TENT5B: variants seen among roughly 807,000 people sequenced by gnomAD.
TENT5B encodes the protein terminal nucleotidyltransferase 5B.
In TENT5B, 12 loss-of-function variants were observed where a neutral mutation model predicts 21.7. That is an observed-to-expected ratio of 0.55 (90% CI 0.36 to 0.90). TENT5B has a LOEUF of 0.90. TENT5B is among the 40% of genes least tolerant of loss of function. The pLI, the probability that TENT5B is intolerant of heterozygous loss-of-function variation, is 0.01. For missense variants in TENT5B, 540 were observed against 601.5 expected (o/e 0.90, Z 1.07); for synonymous variants, 262 against 266.6 (o/e 0.98, Z 0.17).
At position 27,006,873 on chromosome 1, in the gene TENT5B, G is replaced by T. The variant is rs1238089727; in HGVS notation, c.349C>A (p.Pro117Thr). The T allele has an allele frequency of 1.9e-6, 3 of 1,613,750 alleles. No homozygotes were observed. Among genetic ancestry groups the T allele is most frequent in the South Asian group, 2.2e-5 (2 of 91,080 alleles). Residue 117 changes from proline to threonine, a missense_variant, in exon 2 of 2, where the codon CCT becomes ACT. Physicochemically the swap from Pro to Thr is conservative, Grantham distance 38. Coordinates refer to ENST00000289166, the MANE Select transcript of TENT5B (RefSeq NM_052943.4). This position sits in a 1 kb window ranked among gnomAD's most constrained non-coding sequence, Gnocchi z 9.4. ...TCCTTGTAGCCCAGGCCACTCTCAG[G>T]GTGCAGCACGTGGCTGGCAGCTGAA... ...HGSAASHVLHPESGLGYKDLD... is the reference protein window; with the variant it reads ...HGSAASHVLHTESGLGYKDLD...
At position 27,005,735 on chromosome 1, in the gene TENT5B, A is replaced by C; in HGVS notation, c.*209T>G. ...TCCAAAAGTGTGATGCAATAACCAA[A>C]GGGTCCTCCTGCTGAGAGCCCCAGG... On this transcript the variant is annotated 3_prime_UTR_variant, in exon 2 of 2. Transcript: ENST00000289166. 4 of 571,168 alleles carry C rather than the reference A, an allele frequency of 7.0e-6. No individual in the cohort carries two copies. Among genetic ancestry groups the C allele is most frequent in the Non-Finnish European group, 8.6e-6 (3 of 349,866 alleles). The allele number at this position is 571,168 out of a possible 1,614,324, so 35.4% of individuals were successfully genotyped here.
At position 27,006,946 on chromosome 1, in the gene TENT5B, G is replaced by A. The variant is rs148889927; in HGVS notation, c.276C>T (p.Ser92=). Reference sequence around the variant, plus strand: ...CATGTAGTCCCTGCTCCTCCAGGGTGCTGCGGACCACCTGCAGGGGAGAGC... The same window carrying A: ...CATGTAGTCCCTGCTCCTCCAGGGTACTGCGGACCACCTGCAGGGGAGAGC... ...QPRQIVQVVR[S]TLEEQGLHVH... The change falls in exon 2 of 2, where the codon AGC becomes AGT. Residue 92 remains serine (S), a synonymous_variant. Coordinates refer to ENST00000289166, the MANE Select transcript of TENT5B (RefSeq NM_052943.4). This position sits in a 1 kb window ranked among gnomAD's most constrained non-coding sequence, Gnocchi z 9.4. 2.8e-4 allele frequency: 439 copies of A among 1,585,304 alleles called. 2 individuals are homozygous for A. In the African/African-American group the frequency reaches 5.2e-3, roughly 19 times the overall value.
At chr1:27,008,477 CA>C (rs1299581521) in intron 1 of TENT5B, among the ~76,000 whole-genome samples, 1 of 152,164 alleles carries the variant, frequency 6.6e-6, no homozygotes, top group African/African-American at 2.4e-5. Flanking sequence ...GGAGGGTAAG[CA>C]ACTGGCCACA....
rs780902413 is a variant in TENT5B, at chr1:27,006,633, C to A, written c.589G>T (p.Gly197Cys). ...ACAAACTTGAGCTCCACGTTCTTGCCGCTCTTGTTGGACAGTGAGATGAGG... is the reference window on the plus strand; with the variant it reads ...ACAAACTTGAGCTCCACGTTCTTGCAGCTCTTGTTGGACAGTGAGATGAGG... ...WSLISLSNKS[G>C]KNVELKFVDS... Residue 197 changes from glycine (G) to cysteine (C), a missense_variant, in exon 2 of 2, where the codon GGC becomes TGC. By Grantham distance (159) the Gly-to-Cys change is radical (BLOSUM62 -3). Transcript: ENST00000289166. The surrounding 1 kb of genome is among the most constrained non-coding windows in gnomAD (Gnocchi z 9.4). The A allele has an allele frequency of 1.9e-6, 3 of 1,614,042 alleles. No homozygotes were observed. Among genetic ancestry groups the A allele is most frequent in the Admixed American group, 3.3e-5 (2 of 60,000 alleles).
chr1:27,008,688 G>A (rs1181886366), intron 1 of TENT5B, among the ~76,000 whole-genome samples: 4 of 151,736 alleles, frequency 2.6e-5, no homozygotes, highest in Non-Finnish European at 5.9e-5. Context: ...TGCAACCTCC[G>A]CCTCCCAGGT....
intron 1 of TENT5B, 90 bp downstream of exon 1, chr1:27,012,317 G>A (rs549380449): frequency 1.3e-6 from 2 of 1,532,708 alleles, no homozygotes; most frequent in African/African-American, 1.4e-5. Flanking sequence ...TTCCCTAGCT[G>A]TCTAGAAAGT....
chr1:27,012,563 G>C lies in TENT5B; in HGVS notation c.108C>G (p.Pro36=), dbSNP rs772654039. The part of the protein sequence containing the change: ...VATAAPAGGG[P]DPEALSAFPG... Reference sequence around the variant, plus strand: ...GGAAGGCCGATAAGGCCTCCGGGTCGGGGCCGCCGCCTGCCGGGGCTGCCG... The same window carrying C: ...GGAAGGCCGATAAGGCCTCCGGGTCCGGGCCGCCGCCTGCCGGGGCTGCCG... The change falls in exon 1 of 2, where the codon CCC becomes CCG. Residue 36 remains proline (P), a synonymous_variant. Coordinates refer to ENST00000289166, the MANE Select transcript of TENT5B (RefSeq NM_052943.4). The C allele has an allele frequency of 7.7e-6, 12 of 1,566,696 alleles. No individual in the cohort carries two copies. The highest frequency in any genetic ancestry group is 2.0e-4 in the Middle Eastern group (1 of 5,016).
At chr1:27,009,708 G>A (rs958608518) in intron 1 of TENT5B, among the ~76,000 whole-genome samples, 1 of 152,250 alleles carries the variant, frequency 6.6e-6, no homozygotes, top group Admixed American at 6.5e-5. Context: ...GCCTTACTCA[G>A]TGCCAGCTCC....
At chr1:27,008,259 G>A (rs2082609697) in intron 1 of TENT5B, among the ~76,000 whole-genome samples, 1 of 152,180 alleles carries the variant, frequency 6.6e-6, no homozygotes, top group African/African-American at 2.4e-5. Flanking sequence ...TTCCTGTCCT[G>A]AGTGATTCTG....
rs1399743318 is a variant in TENT5B at position 27,005,971 on chromosome 1, G to A, written c.1251C>T (p.Ala417=). Reference sequence around the variant, plus strand: ...AGTTACAAGGCAGCCAGGTGGGATAGGCGTGAGCCAGGAGAGGTTGCACGG... The same window carrying A: ...AGTTACAAGGCAGCCAGGTGGGATAAGCGTGAGCCAGGAGAGGTTGCACGG... ...VTPVQPLLAH[A]YPTWLPCN The change falls in exon 2 of 2, where the codon GCC becomes GCT. Residue 417 remains alanine, a synonymous_variant. Coordinates refer to ENST00000289166, the MANE Select transcript of TENT5B (RefSeq NM_052943.4). 9 of 1,577,946 alleles carry A rather than the reference G, an allele frequency of 5.7e-6. No homozygotes were observed. The African/African-American group carries it at 8.1e-5, about 14-fold the overall frequency.
chr1:27,005,040 T>C lies in TENT5B; in HGVS notation c.*904A>G, dbSNP rs1019484431. The C allele has an allele frequency of 2.6e-5, 4 of 152,676 alleles. No homozygotes were observed. Among genetic ancestry groups the C allele is most frequent in the African/African-American group, 9.7e-5 (4 of 41,442 alleles). 9.5% of individuals were successfully genotyped at this position (152,676 alleles called of 1,614,324 possible). On this transcript the variant is annotated 3_prime_UTR_variant, in exon 2 of 2. Coordinates refer to ENST00000289166, the MANE Select transcript of TENT5B (RefSeq NM_052943.4). The stretch of plus-strand genomic sequence containing the variant: ...TAAGGTTCAGTGTAGACCGTCTTTA[T>C]TGGCAGGTGTTAAGAGTGCAAAATA...
chr1:27,010,338 G>A (rs1042526688), intron 1 of TENT5B, among the ~76,000 whole-genome samples: 1 of 152,160 alleles, frequency 6.6e-6, no homozygotes, highest in Non-Finnish European at 1.5e-5. Context: ...GGTAGAGGGA[G>A]AAAGGTTCCA....
At position 27,008,964 on chromosome 1, in the gene TENT5B, T is replaced by G. The variant is rs529712751; in HGVS notation, c.265-2007A>C. ...TTTCCAAACCCTTCTCTACCTTCCT[T>G]TCCTCCATCCTTCTTTTTTTTTTTT... On this transcript the variant is annotated intron_variant, in intron 1 of 1. Coordinates refer to ENST00000289166, the MANE Select transcript of TENT5B (RefSeq NM_052943.4). Among the ~76,000 whole-genome samples, 546 of 145,206 alleles carry G rather than the reference T, an allele frequency of 3.8e-3. 6 individuals carry two copies. The highest frequency in any genetic ancestry group is 0.013 in the African/African-American group (519 of 39,626).
chr1:27,006,730 G>C lies in TENT5B; in HGVS notation c.492C>G (p.Ile164Met). 1 of 1,614,000 alleles carries C rather than the reference G, an allele frequency of 6.2e-7. No homozygotes were observed. Among genetic ancestry groups the C allele is most frequent in the East Asian group, 2.2e-5 (1 of 44,876 alleles). Residue 164 changes from isoleucine (I) to methionine (M), a missense_variant, in exon 2 of 2, where the codon ATC (isoleucine) becomes ATG (methionine). Ile to Met is a conservative substitution (Grantham distance 10). Transcript: ENST00000289166. The surrounding 1 kb of genome is among the most constrained non-coding windows in gnomAD (Gnocchi z 9.4). ...ATGCCTCCTTGAGTGTCAGTGGCGT[G>C]ATCTTGGCCCGGCTCACACCGGCCG... is the stretch of plus-strand genomic sequence containing the variant. ...FLPAGVSRAK[I>M]TPLTLKEAYV...
chr1:27,010,848 G>A (rs1395343181), intron 1 of TENT5B, among the ~76,000 whole-genome samples: 1 of 152,202 alleles, frequency 6.6e-6, no homozygotes, highest in South Asian at 2.1e-4. Flanking sequence ...GCACCTGAAG[G>A]GATGGAGGCT....
chr1:27,010,278 C>T (rs1192753332), intron 1 of TENT5B, among the ~76,000 whole-genome samples: 2 of 152,142 alleles, frequency 1.3e-5, no homozygotes, highest in African/African-American at 2.4e-5. Flanking sequence ...CAAGCAAGAA[C>T]AGAATCTCTA....
intron 1 of TENT5B, 97 bp downstream of exon 1, chr1:27,012,310 C>G: frequency 1.3e-6 from 2 of 1,526,084 alleles, no homozygotes; most frequent in Admixed American, 4.0e-5. Flanking sequence ...CCTCAGTTTC[C>G]CTAGCTGTCT....
chr1:27,012,116 C>T (rs2082626667), intron 1 of TENT5B, among the ~76,000 whole-genome samples: 1 of 152,170 alleles, frequency 6.6e-6, no homozygotes, highest in Non-Finnish European at 1.5e-5. Context: ...ACAAATTCTT[C>T]CCCCAATGCC....
In TENT5B at chr1:27,012,694, G is replaced by T. The variant is rs921386591; in HGVS notation, c.-24C>A. Reference sequence around the variant, plus strand: ...ATCCGCCCGGCCCCCGGGCCCCGACGGCAGAAACCGTGGGGGTGGTTAAGG... The same window carrying T: ...ATCCGCCCGGCCCCCGGGCCCCGACTGCAGAAACCGTGGGGGTGGTTAAGG... On this transcript the variant is annotated 5_prime_UTR_variant, in exon 1 of 2. Coordinates refer to ENST00000289166, the MANE Select transcript of TENT5B (RefSeq NM_052943.4). The T allele has an allele frequency of 4.1e-6, 6 of 1,450,376 alleles. No homozygotes were observed. Among genetic ancestry groups the T allele is most frequent in the East Asian group, 2.8e-5 (1 of 35,882 alleles). 89.8% of individuals were successfully genotyped at this position (1,450,376 alleles called of 1,614,324 possible).
Sources: allele counts gnomAD v4.1 joint callset (sites outside exome capture counted in the v4.1 genomes callset), GRCh38; gene constraint gnomAD v4.1.1; non-coding constraint Gnocchi (gnomAD v3.1); transcripts MANE v1.5; gene names NCBI Gene and HGNC (gene_info 2026-07-23, HGNC 2026-07-21).